The following DNAJC15 variants were observed in gnomAD, a reference collection of about 807,000 sequenced individuals.
DNAJC15 encodes DnaJ heat shock protein family (Hsp40) member C15.
A neutral mutation model predicts 22.4 loss-of-function variants in DNAJC15; 27 were observed. The ratio of observed to expected loss-of-function variants is 1.20; its 90% confidence interval spans 0.89 to 1.66. The LOEUF is 1.66. Among genes scored for constraint, DNAJC15 ranks in the 40% most tolerant of loss-of-function variants. The pLI, the probability that DNAJC15 is intolerant of heterozygous loss-of-function variation, is 0.00. For synonymous variants in DNAJC15, 79 were observed against 63.2 expected (o/e 1.25, Z -1.19); for missense variants, 208 against 187.1 (o/e 1.11, Z -0.65).
intron 1 of DNAJC15, among the ~76,000 whole-genome samples, chr13:43,032,157 C>T (rs1226599617): frequency 6.6e-6 from 1 of 152,184 alleles, no homozygotes; most frequent in Non-Finnish European, 1.5e-5. Flanking sequence ...GCGGTAATAC[C>T]GTGGTTTCTT....
intron 1 of DNAJC15, among the ~76,000 whole-genome samples, chr13:43,061,962 C>T (rs188355209): frequency 1.4e-3 from 220 of 152,330 alleles, no homozygotes; most frequent in African/African-American, 4.9e-3. Flanking sequence ...CTTGGGCCAA[C>T]TTTACCCTGT....
intron 1 of DNAJC15, among the ~76,000 whole-genome samples, chr13:43,039,642 T>C (rs1421153741): frequency 1.3e-5 from 2 of 152,182 alleles, no homozygotes; most frequent in Non-Finnish European, 2.9e-5. Context: ...AATAAAATGA[T>C]AAAAGCTGTT....
chr13:43,065,013 A>G (rs1007813888), intron 1 of DNAJC15, among the ~76,000 whole-genome samples: 1 of 151,806 alleles, frequency 6.6e-6, no homozygotes, highest in Non-Finnish European at 1.5e-5. Flanking sequence ...ATTACCATTG[A>G]TCCTTGCCAC....
chr13:43,096,310 G>A (rs1359215359), intron 5 of DNAJC15, among the ~76,000 whole-genome samples: 2 of 152,106 alleles, frequency 1.3e-5, no homozygotes, highest in East Asian at 3.8e-4. Context: ...AGGACACATA[G>A]TATCTTTATT....
At chr13:43,091,345 C>G (rs1458131385) in intron 5 of DNAJC15, among the ~76,000 whole-genome samples, 1 of 152,214 alleles carries the variant, frequency 6.6e-6, no homozygotes, top group East Asian at 1.9e-4. Flanking sequence ...GCCTTGGCCT[C>G]CCAAAGTGCT....
chr13:43,083,344 G>T (rs2806706), intron 4 of DNAJC15, among the ~76,000 whole-genome samples: 2,391 of 151,774 alleles, frequency 0.016, 52 homozygotes, highest in African/African-American at 0.054. Flanking sequence ...ATTTTTTGTA[G>T]TTTTAGTAGA....
Position 43,059,876 on chromosome 13 carries a change from C to T in DNAJC15, c.109-5810C>T, listed in dbSNP as rs561446805. On this transcript the variant is annotated intron_variant, in intron 1 of 5. Transcript: ENST00000379221. Reference sequence around the variant, plus strand: ...GGCATGGGGTGGATCTCACAAAGTGCATTCTGCAGGGTGGGGAGAATCACA... The same window carrying T: ...GGCATGGGGTGGATCTCACAAAGTGTATTCTGCAGGGTGGGGAGAATCACA... Among the ~76,000 whole-genome samples, 3 of 152,308 alleles carry T rather than the reference C, an allele frequency of 2.0e-5. No individual in the cohort carries two copies. In the South Asian group the frequency reaches 6.2e-4, roughly 32 times the overall value.
At chr13:43,064,375 A>G (rs192669602) in intron 1 of DNAJC15, among the ~76,000 whole-genome samples, 8 of 152,322 alleles carry the variant, frequency 5.3e-5, no homozygotes, top group African/African-American at 1.9e-4. Context: ...CAATGGCTGA[A>G]TGGCTTTTTG....
At chr13:43,079,461 A>G (rs1367890530) in intron 4 of DNAJC15, among the ~76,000 whole-genome samples, 1 of 152,174 alleles carries the variant, frequency 6.6e-6, no homozygotes, top group Non-Finnish European at 1.5e-5. Context: ...AGAAAAAACA[A>G]GAGTTGGGAG....
chr13:43,101,992 A>AGAATCTACATACTATTT (rs2040771440), intron 5 of DNAJC15, among the ~76,000 whole-genome samples: 1 of 152,190 alleles, frequency 6.6e-6, no homozygotes, highest in Non-Finnish European at 1.5e-5. Flanking sequence ...TTAGTTCTTT[A>AGAATCTACATACTATTT]AGGAATCTAC....
In DNAJC15 at chr13:43,114,102, A is replaced by G. The variant is rs1335509958; in HGVS notation, c.*6854A>G. 6.6e-6 allele frequency: 1 copy of G among 152,204 alleles called. No individual in the cohort carries two copies. The highest frequency in any genetic ancestry group is 1.5e-5 in the Non-Finnish European group (1 of 68,028). The allele number at this position is 152,204 out of a possible 1,614,324, so 9.4% of individuals were successfully genotyped here. Reference sequence around the variant, plus strand: ...GATGCACTACAATTAAATAAATAAAATGCTGTTGTGTTTGTTTTGCTTTAA... The same window carrying G: ...GATGCACTACAATTAAATAAATAAAGTGCTGTTGTGTTTGTTTTGCTTTAA... On this transcript the variant is annotated 3_prime_UTR_variant, in exon 6 of 6. Transcript: ENST00000379221.
chr13:43,085,344 GAGCA>G (rs951563236), intron 4 of DNAJC15, among the ~76,000 whole-genome samples: 3 of 129,564 alleles, frequency 2.3e-5, no homozygotes, highest in African/African-American at 8.8e-5. Flanking sequence ...CTGGGCAACA[GAGCA>G]AGACTCCTCC....
chr13:43,060,425 A>G (rs555889576), intron 1 of DNAJC15, among the ~76,000 whole-genome samples: 1 of 152,174 alleles, frequency 6.6e-6, no homozygotes, highest in African/African-American at 2.4e-5. Context: ...ATAGGTATTA[A>G]AGGACTAAGA....
At chr13:43,034,368 T>G (rs1437906217) in intron 1 of DNAJC15, among the ~76,000 whole-genome samples, 1 of 131,654 alleles carries the variant, frequency 7.6e-6, no homozygotes, top group African/African-American at 3.0e-5. Context: ...CAGACTGGAG[T>G]GCAGTGGCGC....
chr13:43,074,124 A>G (rs1011870520), intron 3 of DNAJC15, among the ~76,000 whole-genome samples: 5 of 152,214 alleles, frequency 3.3e-5, no homozygotes, highest in Non-Finnish European at 5.9e-5. Context: ...AGATTATTGT[A>G]CATAATAAAG....
chr13:43,058,940 TCA>T (rs2153440569), intron 1 of DNAJC15, among the ~76,000 whole-genome samples: 1 of 152,344 alleles, frequency 6.6e-6, no homozygotes, highest in South Asian at 2.1e-4. Context: ...ACTCCCCCTC[TCA>T]CACTTTGGGC....
chr13:43,077,752 T>C (rs2040640878), intron 3 of DNAJC15, among the ~76,000 whole-genome samples: 1 of 152,180 alleles, frequency 6.6e-6, no homozygotes, highest in Non-Finnish European at 1.5e-5. Context: ...CATAACAGTG[T>C]CCTCAACATC....
At chr13:43,103,386 G>C (rs188075878) in intron 5 of DNAJC15, among the ~76,000 whole-genome samples, 2 of 152,118 alleles carry the variant, frequency 1.3e-5, no homozygotes, top group Non-Finnish European at 2.9e-5. Flanking sequence ...GGTTTTACAG[G>C]GGTACACTGT....
intron 1 of DNAJC15, among the ~76,000 whole-genome samples, chr13:43,032,926 G>C (rs1464855481): frequency 6.6e-6 from 1 of 152,204 alleles, no homozygotes; most frequent in African/African-American, 2.4e-5. Context: ...GCTGGCATCT[G>C]CTCAGTGTCT....
Sources: allele counts gnomAD v4.1 joint callset (sites outside exome capture counted in the v4.1 genomes callset), GRCh38; gene constraint gnomAD v4.1.1; transcripts MANE v1.5; gene names NCBI Gene and HGNC (gene_info 2026-07-23, HGNC 2026-07-21).